ZSWIM5: variants seen among roughly 807,000 people sequenced by gnomAD.
ZSWIM5 encodes zinc finger SWIM-type containing 5, also known as zinc finger SWIM domain-containing protein 5.
In ZSWIM5, 55 loss-of-function variants were observed where a neutral mutation model predicts 119.6. The observed-to-expected ratio is 0.46, with a 90% CI of 0.37 to 0.58. The LOEUF is 0.58. Ranked by LOEUF, ZSWIM5 falls within the 20% of genes least tolerant of loss-of-function variation. The pLI is 0.00. For synonymous variants in ZSWIM5, 537 were observed against 606.9 expected, an observed-to-expected ratio of 0.88 and a Z score of 1.69; for missense variants, 1,193 against 1,512.8, an observed-to-expected ratio of 0.79 and a Z score of 3.51.
Position 45,020,132 on chromosome 1 carries a change from A to C in ZSWIM5, c.2629T>G (p.Leu877Val), listed in dbSNP as rs1308056350. The change falls in exon 13 of 14, where the codon TTA (leucine) becomes GTA (valine). Residue 877 changes from leucine to valine, a missense_variant. Leu to Val is a conservative substitution (Grantham distance 32). This residue lies in a region of ZSWIM5 where 961 missense variants were observed against 1,290.0 expected (regional missense o/e 0.74). Transcript: ENST00000359600. ...CTGCGTCTCCAGTTAAGGGTTGATA[A>C]GGTCATCCGCATCACCTGGGCACAA... Reference protein sequence around the residue: ...ELGLQVMRMTLSTLNWRRREM... With the variant: ...ELGLQVMRMTVSTLNWRRREM... The C allele has an allele frequency of 6.2e-7, 1 of 1,614,152 alleles. No individual in the cohort carries two copies.
intron 2 of ZSWIM5, among the ~76,000 whole-genome samples, chr1:45,067,106 A>G (rs1381743080): frequency 2.0e-5 from 3 of 152,110 alleles, no homozygotes; most frequent in Non-Finnish European, 4.4e-5. Context: ...AAATAGTTGG[A>G]TATAGAGTCT....
At chr1:45,068,140 T>C (rs918097530) in intron 2 of ZSWIM5, among the ~76,000 whole-genome samples, 2 of 139,780 alleles carry the variant, frequency 1.4e-5, no homozygotes, top group African/African-American at 5.3e-5. Flanking sequence ...TCTTACTCTA[T>C]TGCCCAGGCT....
At chr1:45,063,784 A>T (rs1029463457) in intron 2 of ZSWIM5, among the ~76,000 whole-genome samples, 2 of 152,002 alleles carry the variant, frequency 1.3e-5, no homozygotes, top group Non-Finnish European at 2.9e-5. Flanking sequence ...TGAGGTCAGG[A>T]GATCGAGACC....
intron 11 of ZSWIM5, among the ~76,000 whole-genome samples, chr1:45,024,229 C>T (rs1471784664): frequency 3.0e-5 from 4 of 133,248 alleles, no homozygotes; most frequent in East Asian, 2.2e-4. Context: ...TCGGTCTTGT[C>T]GCCCAGGCTG....
intron 10 of ZSWIM5, 40 bp downstream of exon 10, chr1:45,035,648 G>A: frequency 6.2e-7 from 1 of 1,606,296 alleles, no homozygotes; most frequent in Non-Finnish European, 8.5e-7. Flanking sequence ...GGACACTTCT[G>A]CTTTGGTGGA....
chr1:45,198,720 A>G (rs1646140703), intron 1 of ZSWIM5, among the ~76,000 whole-genome samples: 1 of 152,168 alleles, frequency 6.6e-6, no homozygotes, highest in African/African-American at 2.4e-5. Flanking sequence ...AAAATCTTCA[A>G]AAGGCACCAA....
chr1:45,133,786 T>C (rs1221705729), intron 1 of ZSWIM5, among the ~76,000 whole-genome samples: 1 of 151,956 alleles, frequency 6.6e-6, no homozygotes, highest in Non-Finnish European at 1.5e-5. Flanking sequence ...TTAGTTTTTG[T>C]ATAAGGTGTA....
chr1:45,159,281 C>G (rs2149040717), intron 1 of ZSWIM5, among the ~76,000 whole-genome samples: 1 of 151,990 alleles, frequency 6.6e-6, no homozygotes, highest in African/African-American at 2.4e-5. Context: ...TTATTTATTG[C>G]TATAAAAATT....
At chr1:45,032,555 G>A (rs1299398106) in intron 11 of ZSWIM5, among the ~76,000 whole-genome samples, 4 of 149,050 alleles carry the variant, frequency 2.7e-5, no homozygotes, top group Non-Finnish European at 5.9e-5. Flanking sequence ...GGTGCAACTC[G>A]GCTCACCGCA....
intron 5 of ZSWIM5, 136 bp from the exon 6 acceptor site, chr1:45,043,531 G>T: frequency 3.6e-6 from 3 of 840,462 alleles, no homozygotes; most frequent in Non-Finnish European, 5.5e-6. Context: ...TTGAGAACAG[G>T]TTATAAGGAA....
intron 2 of ZSWIM5, among the ~76,000 whole-genome samples, chr1:45,066,457 T>A (rs142536268): frequency 6.6e-6 from 1 of 152,260 alleles, no homozygotes; most frequent in East Asian, 1.9e-4. Flanking sequence ...AGAAGGCTTC[T>A]CTGAGAAAGT....
chr1:45,105,427 G>C (rs1328268276), intron 1 of ZSWIM5, among the ~76,000 whole-genome samples: 1 of 151,970 alleles, frequency 6.6e-6, no homozygotes, highest in Non-Finnish European at 1.5e-5. Flanking sequence ...GGGATGTGAG[G>C]TGTGCCTCTG....
chr1:45,088,376 A>C lies in ZSWIM5; in HGVS notation c.596-139T>G. The C allele has an allele frequency of 1.6e-6, 1 of 624,442 alleles. No individual in the cohort carries two copies. The highest frequency in any genetic ancestry group is 2.8e-5 in the East Asian group (1 of 35,832). 38.7% of individuals were successfully genotyped at this position (624,442 alleles called of 1,614,324 possible). A position where few individuals can be genotyped will look rare whatever the true frequency, so the allele number is the denominator to read the frequency against. On this transcript the variant is annotated intron_variant, in intron 1 of 13. Coordinates refer to ENST00000359600, the MANE Select transcript of ZSWIM5 (RefSeq NM_020883.2). This position sits in a 1 kb window ranked among gnomAD's most constrained non-coding sequence, Gnocchi z 4.2. Reference sequence around the variant, plus strand: ...ACGTACATGATAGGCTTTGCCACAGACACAGAGGTCAATGAAATTCAGTTA... The same window carrying C: ...ACGTACATGATAGGCTTTGCCACAGCCACAGAGGTCAATGAAATTCAGTTA...
At chr1:45,033,734 G>A (rs529482469) in intron 11 of ZSWIM5, among the ~76,000 whole-genome samples, 3 of 152,294 alleles carry the variant, frequency 2.0e-5, no homozygotes, top group Admixed American at 1.3e-4. Flanking sequence ...ATTTGAAACT[G>A]AGGCGTAGAA....
intron 1 of ZSWIM5, among the ~76,000 whole-genome samples, chr1:45,131,317 TAA>T (rs1163525783): frequency 6.6e-6 from 1 of 152,134 alleles, no homozygotes; most frequent in South Asian, 2.1e-4. Context: ...TATCTCAAAA[TAA>T]AAAGTTTAAT....
rs76125864 is a variant in ZSWIM5, at chr1:45,072,574, A to T, written c.953-12327T>A. On this transcript the variant is annotated intron_variant, in intron 2 of 13. Transcript: ENST00000359600. This position sits in a 1 kb window ranked among gnomAD's most constrained non-coding sequence, Gnocchi z 4.1. ...TTTCAGGTCTTAGATTTAAGTCTTT[A>T]ATCCATTTTTATCTGATTTTTGTAT... Among the ~76,000 whole-genome samples, 1,026 of 152,078 alleles carry T rather than the reference A, an allele frequency of 6.7e-3. 27 individuals carry two copies. The highest frequency in any genetic ancestry group is 0.022 in the African/African-American group (915 of 41,358).
chr1:45,153,617 T>C (rs1645810880), intron 1 of ZSWIM5, among the ~76,000 whole-genome samples: 1 of 152,088 alleles, frequency 6.6e-6, no homozygotes, highest in South Asian at 2.1e-4. Context: ...TGCACTCATA[T>C]GTTTACTGCA....
At chr1:45,182,938 A>AAT (rs1176282710) in intron 1 of ZSWIM5, among the ~76,000 whole-genome samples, 1 of 150,022 alleles carries the variant, frequency 6.7e-6, no homozygotes, top group Non-Finnish European at 1.5e-5. Context: ...AAATCAACAG[A>AAT]ATATACATTT....
chr1:45,136,837 A>G (rs937077174), intron 1 of ZSWIM5, among the ~76,000 whole-genome samples: 1 of 152,148 alleles, frequency 6.6e-6, no homozygotes, highest in African/African-American at 2.4e-5. Flanking sequence ...CAGGGTTCCA[A>G]TAAAAAGCCT....
Sources: allele counts gnomAD v4.1 joint callset (sites outside exome capture counted in the v4.1 genomes callset), GRCh38; gene constraint gnomAD v4.1.1; regional missense constraint gnomAD v4.1.1; non-coding constraint Gnocchi (gnomAD v3.1); transcripts MANE v1.5; gene names NCBI Gene and HGNC (gene_info 2026-07-23, HGNC 2026-07-21).